Variants in CCDC3 observed in about 807,000 individuals in gnomAD.
CCDC3 encodes the protein coiled-coil domain containing 3.
In CCDC3, 24 loss-of-function variants were observed where a neutral mutation model predicts 21.4. The ratio of observed to expected loss-of-function variants is 1.12; its 90% CI spans 0.81 to 1.58. CCDC3 has a LOEUF of 1.58. CCDC3 is among the 40% of genes most tolerant of loss of function. The pLI is 0.00. For missense variants in CCDC3, 425 were observed against 360.9 expected, an observed-to-expected ratio of 1.18 and a Z score of -1.44; for synonymous variants, 186 against 166.0, an observed-to-expected ratio of 1.12 and a Z score of -0.93.
chr10:13,010,627 A>G (rs1002090998), intron 5 of CCDC3, among the ~76,000 whole-genome samples: 3 of 152,210 alleles, frequency 2.0e-5, no homozygotes, highest in Non-Finnish European at 2.9e-5. Context: ...AGAGAAAATT[A>G]AAGCATATCC....
At chr10:12,962,922 G>A (rs2131258350) in intron 2 of CCDC3, among the ~76,000 whole-genome samples, 1 of 152,184 alleles carries the variant, frequency 6.6e-6, no homozygotes, top group Admixed American at 6.5e-5. Flanking sequence ...GCTTTTATAT[G>A]GTTTCTTCCA....
At chr10:12,982,550 T>C (rs1835515899) in intron 2 of CCDC3, among the ~76,000 whole-genome samples, 1 of 151,594 alleles carries the variant, frequency 6.6e-6, no homozygotes. Flanking sequence ...TCCCAACACT[T>C]TGGGAGGCCG....
intron 2 of CCDC3, among the ~76,000 whole-genome samples, chr10:12,906,672 T>C (rs1047936561): frequency 7.9e-5 from 12 of 152,296 alleles, no homozygotes; most frequent in Admixed American, 3.9e-4. Context: ...CTTGCTTAAG[T>C]CAATGAACCT....
intron 2 of CCDC3, among the ~76,000 whole-genome samples, chr10:12,912,676 A>G (rs1419488175): frequency 1.3e-5 from 2 of 152,172 alleles, no homozygotes; most frequent in Non-Finnish European, 2.9e-5. Flanking sequence ...CCATACCCAA[A>G]AAATGATTGC....
intron 2 of CCDC3, among the ~76,000 whole-genome samples, chr10:12,969,380 A>G (rs978716029): frequency 6.6e-6 from 1 of 152,176 alleles, no homozygotes; most frequent in African/African-American, 2.4e-5. Context: ...ACCACTATAG[A>G]AAACAGTATG....
intron 3 of CCDC3, among the ~76,000 whole-genome samples, chr10:13,081,150 A>G (rs544817906): frequency 6.8e-6 from 1 of 146,746 alleles, no homozygotes; most frequent in Non-Finnish European, 1.5e-5. Flanking sequence ...AGAAGACACT[A>G]GGAACTATAA....
chr10:12,977,693 G>C (rs1835437075), intron 2 of CCDC3, among the ~76,000 whole-genome samples: 1 of 152,156 alleles, frequency 6.6e-6, no homozygotes, highest in Admixed American at 6.5e-5. Context: ...ACAGACTTTA[G>C]AAGCAGTTTT....
At chr10:13,056,692 G>A (rs1273852459) in intron 4 of CCDC3, among the ~76,000 whole-genome samples, 1 of 152,206 alleles carries the variant, frequency 6.6e-6, no homozygotes, top group Non-Finnish European at 1.5e-5. Flanking sequence ...GGTGGACTGG[G>A]TTATGGTTGG....
In CCDC3 at chr10:13,089,481, T is replaced by G. The variant is rs146496153; in HGVS notation, c.-503+9044A>C. ...TCTGTCCCCATTCCTCGGGGTACTC[T>G]GGCCCCGGACACCTTCAATGCCCTC... On this transcript the variant is annotated intron_variant, in intron 3 of 6. Coordinates refer to the CCDC3 transcript ENST00000378839. 1.4e-3 allele frequency among the ~76,000 whole-genome samples: 214 copies of G among 152,234 alleles called. 1 individual carries two copies. Among genetic ancestry groups the G allele is most frequent in the African/African-American group, 4.7e-3 (196 of 41,534 alleles).
chr10:13,091,072 G>C (rs1832560378), intron 3 of CCDC3, among the ~76,000 whole-genome samples: 1 of 152,068 alleles, frequency 6.6e-6, no homozygotes, highest in African/African-American at 2.4e-5. Flanking sequence ...ATGAAGTCTG[G>C]AAGACTCAGC....
At position 12,900,421 on chromosome 10, in the gene CCDC3, G is replaced by A. The variant is rs138563608; in HGVS notation, c.550-1742C>T. Among the ~76,000 whole-genome samples the A allele has an allele frequency of 7.2e-3, 1,075 of 149,234 alleles. 16 individuals are homozygous for A. Among genetic ancestry groups the A allele is most frequent in the African/African-American group, 0.025 (1,025 of 40,648 alleles). ...GGGCTGGGTGTGGTGGCTCACGCCT[G>A]TAATCCCAGCACTTTAGGAGGCTGA... On this transcript the variant is annotated intron_variant, in intron 2 of 2. Coordinates refer to ENST00000378825, the MANE Select transcript of CCDC3 (RefSeq NM_031455.4).
chr10:13,058,677 C>G (rs1347128394), intron 4 of CCDC3: 1 of 478,322 alleles, frequency 2.1e-6, no homozygotes, highest in East Asian at 3.6e-5. Context: ...CAAACCCCAC[C>G]CTGTGGAACA....
intron 3 of CCDC3, among the ~76,000 whole-genome samples, chr10:13,074,745 C>T (rs1836940110): frequency 6.6e-6 from 1 of 152,150 alleles, no homozygotes; most frequent in African/African-American, 2.4e-5. Flanking sequence ...GTGCCGGCTG[C>T]AAGTCTGGGT....
At chr10:13,015,312 G>A (rs1418090972) in intron 5 of CCDC3, among the ~76,000 whole-genome samples, 1 of 152,096 alleles carries the variant, frequency 6.6e-6, no homozygotes, top group Non-Finnish European at 1.5e-5. Context: ...CCATCAGCCT[G>A]TTATACAGAT....
At chr10:13,067,018 T>C (rs1050586671) in intron 4 of CCDC3, among the ~76,000 whole-genome samples, 4 of 152,208 alleles carry the variant, frequency 2.6e-5, no homozygotes, top group Admixed American at 2.6e-4. Context: ...CTCCTAGGTG[T>C]GGGGCTTGAG....
chr10:12,933,380 T>C (rs1047293001), intron 2 of CCDC3, among the ~76,000 whole-genome samples: 1 of 152,204 alleles, frequency 6.6e-6, no homozygotes. Context: ...TTTAACAAAT[T>C]GTGCCTTTTA....
chr10:12,946,395 A>T (rs959276173), intron 2 of CCDC3, among the ~76,000 whole-genome samples: 1 of 152,248 alleles, frequency 6.6e-6, no homozygotes, highest in Non-Finnish European at 1.5e-5. Context: ...TTAATTTATT[A>T]GTATGTAAAC....
intron 4 of CCDC3, among the ~76,000 whole-genome samples, chr10:13,057,057 C>T (rs1836690124): frequency 1.3e-5 from 2 of 151,936 alleles, no homozygotes. Flanking sequence ...TTTGGAGAGC[C>T]GAGGCGGGAG....
At chr10:12,971,747 G>A (rs1030925196) in intron 2 of CCDC3, among the ~76,000 whole-genome samples, 12 of 152,224 alleles carry the variant, frequency 7.9e-5, no homozygotes, top group Admixed American at 2.0e-4. Context: ...GTGCAGTGGC[G>A]CAATCTCAGC....
Sources: allele counts gnomAD v4.1 joint callset (sites outside exome capture counted in the v4.1 genomes callset), GRCh38; gene constraint gnomAD v4.1.1; transcripts MANE v1.5; gene names NCBI Gene and HGNC (gene_info 2026-07-23, HGNC 2026-07-21).